VSNL1: variants seen among roughly 807,000 people sequenced by gnomAD.
VSNL1 encodes visinin-like protein 1.
VSNL1 carries 6 observed loss-of-function variants against 20.4 expected under a neutral mutation model. The observed-to-expected ratio is 0.29, with a 90% CI of 0.16 to 0.58. VSNL1 has a LOEUF of 0.58. Among genes scored for constraint, VSNL1 ranks in the 20% least tolerant of loss-of-function variants. VSNL1 has a pLI of 0.90. For missense variants in VSNL1, 100 were observed against 234.5 expected, an observed-to-expected ratio of 0.43 and a Z score of 3.75; for synonymous variants, 93 against 86.4, an observed-to-expected ratio of 1.08 and a Z score of -0.42.
chr2:17,545,716 CT>C (rs1316464706), intron 1 of VSNL1, among the ~76,000 whole-genome samples: 2 of 152,030 alleles, frequency 1.3e-5, no homozygotes, highest in Non-Finnish European at 2.9e-5. Context: ...CTTGGGGATG[CT>C]TTAGAAACTA....
intron 2 of VSNL1, among the ~76,000 whole-genome samples, chr2:17,607,527 G>A (rs1035214046): frequency 4.6e-5 from 7 of 152,310 alleles, no homozygotes; most frequent in Middle Eastern, 3.4e-3. Flanking sequence ...TAAAGAGAGG[G>A]AGTTGAACCA....
chr2:17,600,958 T>G (rs1288489907), intron 2 of VSNL1, among the ~76,000 whole-genome samples: 1 of 152,314 alleles, frequency 6.6e-6, no homozygotes, highest in East Asian at 1.9e-4. Flanking sequence ...GCTACCAGCA[T>G]TAGAGACAGC....
rs1033581215 is a variant in VSNL1, at chr2:17,566,841, A to G, written c.-5-25229A>G. ...ATCTAATTTTATTTTTGCCCTGTAG[A>G]CATTCAGTTATCCTAACACAGTTTT... On this transcript the variant is annotated intron_variant, in intron 1 of 3. Coordinates refer to ENST00000295156, the MANE Select transcript of VSNL1 (RefSeq NM_003385.5). Among the ~76,000 whole-genome samples the G allele has an allele frequency of 3.4e-4, 51 of 152,166 alleles. 1 individual carries two copies. Among genetic ancestry groups the G allele is most frequent in the African/African-American group, 1.2e-3 (48 of 41,452 alleles).
intron 2 of VSNL1, among the ~76,000 whole-genome samples, chr2:17,617,817 T>G (rs1665250450): frequency 6.6e-6 from 1 of 152,140 alleles, no homozygotes; most frequent in African/African-American, 2.4e-5. Context: ...GCTGAATTGT[T>G]GCCCCCATCA....
At chr2:17,544,308 C>T (rs980605839) in intron 1 of VSNL1, among the ~76,000 whole-genome samples, 1 of 152,138 alleles carries the variant, frequency 6.6e-6, no homozygotes, top group Admixed American at 6.5e-5. Context: ...CAAATGCTCT[C>T]GGGTTAGTTA....
intron 1 of VSNL1, among the ~76,000 whole-genome samples, chr2:17,560,221 A>G (rs1430945450): frequency 1.3e-5 from 2 of 150,104 alleles, no homozygotes; most frequent in East Asian, 3.9e-4. Context: ...TATATATATA[A>G]TAATTATAAT....
intron 3 of VSNL1, among the ~76,000 whole-genome samples, chr2:17,653,099 G>A (rs1666155588): frequency 1.3e-5 from 2 of 152,138 alleles, no homozygotes; most frequent in Admixed American, 1.3e-4. Flanking sequence ...GGTCCATCAG[G>A]GCTGGGGACC....
chr2:17,554,217 C>A (rs1425524243), intron 1 of VSNL1, among the ~76,000 whole-genome samples: 1 of 152,130 alleles, frequency 6.6e-6, no homozygotes, highest in African/African-American at 2.4e-5. Context: ...GTACCCAAAT[C>A]TTCATAATAG....
At chr2:17,601,723 T>C (rs1021341357) in intron 2 of VSNL1, among the ~76,000 whole-genome samples, 2 of 151,852 alleles carry the variant, frequency 1.3e-5, no homozygotes, top group African/African-American at 4.8e-5. Context: ...TCACATGAGG[T>C]CTGGAGTTCG....
chr2:17,582,600 G>A (rs1005050952), intron 1 of VSNL1, among the ~76,000 whole-genome samples: 1 of 152,196 alleles, frequency 6.6e-6, no homozygotes, highest in Non-Finnish European at 1.5e-5. Context: ...ACAGAAACAC[G>A]AAATAGAGAA....
chr2:17,552,110 G>C (rs1483089837), intron 1 of VSNL1, among the ~76,000 whole-genome samples: 3 of 148,652 alleles, frequency 2.0e-5, no homozygotes, highest in Non-Finnish European at 4.4e-5. Flanking sequence ...TGAGGCAGGA[G>C]AATGGCGTGA....
chr2:17,646,766 C>T (rs1394342525), intron 2 of VSNL1, among the ~76,000 whole-genome samples: 1 of 151,936 alleles, frequency 6.6e-6, no homozygotes, highest in Non-Finnish European at 1.5e-5. Context: ...AACAAGAGTA[C>T]GCAAAAAAAG....
chr2:17,553,127 C>A (rs1423903049), intron 1 of VSNL1, among the ~76,000 whole-genome samples: 1 of 151,974 alleles, frequency 6.6e-6, no homozygotes, highest in Non-Finnish European at 1.5e-5. Flanking sequence ...AATAGTAGGC[C>A]AAAAAGCGTG....
At chr2:17,592,845 A>G (rs1289228868) in intron 2 of VSNL1, among the ~76,000 whole-genome samples, 1 of 151,972 alleles carries the variant, frequency 6.6e-6, no homozygotes, top group African/African-American at 2.4e-5. Context: ...CCTGAACATT[A>G]CACAGAACAG....
intron 2 of VSNL1, among the ~76,000 whole-genome samples, chr2:17,598,975 G>T (rs1375469051): frequency 6.6e-6 from 1 of 152,142 alleles, no homozygotes; most frequent in Non-Finnish European, 1.5e-5. Context: ...GCTTTATTTT[G>T]TCTATAGCTC....
At position 17,634,781 on chromosome 2, in the gene VSNL1, C is replaced by T. The variant is rs1665715037; in HGVS notation, c.163-14629C>T. 6.6e-6 allele frequency among the ~76,000 whole-genome samples: 1 copy of T among 152,134 alleles called. No individual in the cohort carries two copies. Among genetic ancestry groups the T allele is most frequent in the South Asian group, 2.1e-4 (1 of 4,822 alleles). On this transcript the variant is annotated intron_variant, in intron 2 of 3. Coordinates refer to ENST00000295156, the MANE Select transcript of VSNL1 (RefSeq NM_003385.5). This position sits in a 1 kb window ranked among gnomAD's most constrained non-coding sequence, Gnocchi z 4.3. ...TTCCCATAGTCACACAGTTCCATCC[C>T]ACCCACTTCGTGCTCTGGTGCTGCT...
intron 1 of VSNL1, among the ~76,000 whole-genome samples, chr2:17,560,930 A>G (rs1663798474): frequency 1.3e-5 from 2 of 152,214 alleles, no homozygotes; most frequent in South Asian, 2.1e-4. Context: ...AGGATAGACT[A>G]TGTACTGAGA....
chr2:17,557,146 A>G (rs1486632051), intron 1 of VSNL1, among the ~76,000 whole-genome samples: 1 of 152,210 alleles, frequency 6.6e-6, no homozygotes, highest in Non-Finnish European at 1.5e-5. Flanking sequence ...CCAATGAAAT[A>G]GATATTATCC....
At chr2:17,595,397 C>G (rs188660066) in intron 2 of VSNL1, among the ~76,000 whole-genome samples, 74 of 152,244 alleles carry the variant, frequency 4.9e-4, no homozygotes, top group African/African-American at 1.7e-3. Context: ...TGTGTAATGA[C>G]AGAAATGTTT....
Sources: allele counts gnomAD v4.1 joint callset (sites outside exome capture counted in the v4.1 genomes callset), GRCh38; gene constraint gnomAD v4.1.1; non-coding constraint Gnocchi (gnomAD v3.1); transcripts MANE v1.5; gene names NCBI Gene and HGNC (gene_info 2026-07-23, HGNC 2026-07-21).